The following DAB2IP variants were observed in gnomAD, a reference collection of about 807,000 sequenced individuals.
The protein encoded by DAB2IP is DAB2 interacting protein, also known as disabled homolog 2-interacting protein.
DAB2IP carries 28 observed loss-of-function variants against 107.2 expected under a neutral mutation model. The ratio of observed to expected loss-of-function variants is 0.26; its 90% CI spans 0.19 to 0.36. DAB2IP has a LOEUF of 0.36. Ranked by LOEUF, DAB2IP falls within the 10% of genes least tolerant of loss-of-function variation. DAB2IP has a pLI of 1.00. For synonymous variants in DAB2IP, 755 were observed against 706.4 expected, an observed-to-expected ratio of 1.07 and a Z score of -1.09; for missense variants, 1,400 against 1,644.7, an observed-to-expected ratio of 0.85 and a Z score of 2.57.
intron 1 of DAB2IP, among the ~76,000 whole-genome samples, chr9:121,612,405 T>C (rs1165347470): frequency 2.6e-5 from 4 of 152,140 alleles, no homozygotes; most frequent in Admixed American, 6.6e-5. Context: ...AAAAAAGGTG[T>C]CTGAACATGG....
intron 1 of DAB2IP, among the ~76,000 whole-genome samples, chr9:121,631,965 G>A (rs537784988): frequency 1.3e-5 from 2 of 152,108 alleles, no homozygotes; most frequent in African/African-American, 2.4e-5. Context: ...GAGGATGGGC[G>A]GGAGGCTGGG....
At chr9:121,704,975 G>T (rs7033645) in intron 3 of DAB2IP, among the ~76,000 whole-genome samples, 1 of 152,224 alleles carries the variant, frequency 6.6e-6, no homozygotes, top group South Asian at 2.1e-4. Flanking sequence ...AGGGCTGACC[G>T]GCCCAGGAGC....
intron 1 of DAB2IP, among the ~76,000 whole-genome samples, chr9:121,637,120 G>A (rs1832117237): frequency 6.6e-6 from 1 of 152,186 alleles, no homozygotes; most frequent in Admixed American, 6.5e-5. Flanking sequence ...TTTCCCCCAG[G>A]GAGCTGCTAT....
At chr9:121,784,832 G>A (rs894587363) in exon 16 of DAB2IP, 1 of 153,166 alleles carries the variant, frequency 6.5e-6, no homozygotes, top group Non-Finnish European at 1.5e-5. Context: ...TGCTGTCTGA[G>A]TAGTGGCCAC....
At chr9:121,630,444 G>T (rs1345783558) in intron 1 of DAB2IP, among the ~76,000 whole-genome samples, 1 of 151,694 alleles carries the variant, frequency 6.6e-6, no homozygotes, top group Non-Finnish European at 1.5e-5. Flanking sequence ...AGAATTGCTT[G>T]AGCCTGGGAG....
At chr9:121,725,245 C>T (rs533267088) in intron 3 of DAB2IP, among the ~76,000 whole-genome samples, 21 of 152,312 alleles carry the variant, frequency 1.4e-4, no homozygotes, top group Admixed American at 1.2e-3. Flanking sequence ...TTTCTGGGAG[C>T]GATGACTTCA....
At chr9:121,743,173 A>G (rs1832471431) in intron 3 of DAB2IP, among the ~76,000 whole-genome samples, 1 of 152,180 alleles carries the variant, frequency 6.6e-6, no homozygotes, top group Non-Finnish European at 1.5e-5. Context: ...AGATGGGGCA[A>G]TGGTAATGCC....
Position 121,702,060 on chromosome 9 carries a change from C to T in DAB2IP, c.362+2602C>T, listed in dbSNP as rs1829815710. Among the ~76,000 whole-genome samples, 1 of 152,210 alleles carries T rather than the reference C, an allele frequency of 6.6e-6. No homozygotes were observed. Among genetic ancestry groups the T allele is most frequent in the East Asian group, 1.9e-4 (1 of 5,164 alleles). ...GGGAGTCCTGGTCCCCATGGCCTTC[C>T]CGTGTAGATGAGCGGCACAGGGCAC... On this transcript the variant is annotated intron_variant, in intron 3 of 15. Coordinates refer to ENST00000408936, the Ensembl canonical transcript of DAB2IP. This position sits in a 1 kb window ranked among gnomAD's most constrained non-coding sequence, Gnocchi z 4.5.
At chr9:121,779,066 CTTCT>C (rs1470792189) in intron 14 of DAB2IP, among the ~76,000 whole-genome samples, 5 of 152,084 alleles carry the variant, frequency 3.3e-5, no homozygotes, top group Admixed American at 6.5e-5. Flanking sequence ...GCTCTGTTAT[CTTCT>C]TTCTTCATTT....
chr9:121,644,444 A>G (rs959929461), intron 1 of DAB2IP, among the ~76,000 whole-genome samples: 35 of 152,038 alleles, frequency 2.3e-4, no homozygotes, highest in Admixed American at 2.0e-3. Flanking sequence ...TAAAAATACA[A>G]AAATTAGCCA....
At chr9:121,594,484 G>C (rs528503362) in intron 1 of DAB2IP, among the ~76,000 whole-genome samples, 24 of 152,198 alleles carry the variant, frequency 1.6e-4, no homozygotes, top group Non-Finnish European at 8.8e-5. Context: ...TGATCTACCC[G>C]CCTCGGCCTC....
chr9:121,682,793 C>G (rs190064498), intron 2 of DAB2IP, among the ~76,000 whole-genome samples: 1 of 152,328 alleles, frequency 6.6e-6, no homozygotes, highest in Non-Finnish European at 1.5e-5. Flanking sequence ...TGCACAGCCT[C>G]ATACCAGCTT....
intron 1 of DAB2IP, among the ~76,000 whole-genome samples, chr9:121,590,994 G>T (rs976271770): frequency 6.6e-6 from 1 of 152,246 alleles, no homozygotes; most frequent in African/African-American, 2.4e-5. Context: ...AGCCTTCCCT[G>T]AGGAAATGAC....
chr9:121,578,240 GTCTC>G (rs1362320407), intron 1 of DAB2IP, among the ~76,000 whole-genome samples: 3 of 151,932 alleles, frequency 2.0e-5, no homozygotes, highest in Admixed American at 1.3e-4. Flanking sequence ...GTCTCTTTCT[GTCTC>G]TCTATCTCTG....
At chr9:121,743,415 T>C (rs1832486147) in intron 3 of DAB2IP, among the ~76,000 whole-genome samples, 1 of 152,208 alleles carries the variant, frequency 6.6e-6, no homozygotes, top group Non-Finnish European at 1.5e-5. Flanking sequence ...ATCATGAATT[T>C]TGGAGTTTCG....
intron 2 of DAB2IP, among the ~76,000 whole-genome samples, chr9:121,682,475 C>A (rs1198220227): frequency 1.3e-5 from 2 of 152,290 alleles, no homozygotes; most frequent in East Asian, 3.9e-4. Flanking sequence ...TCAGAGGTCA[C>A]CACCCAGCTG....
Position 121,699,190 on chromosome 9 carries a change from T to G in DAB2IP, c.229-135T>G, listed in dbSNP as rs1353517285. 8 of 947,184 alleles carry G rather than the reference T, an allele frequency of 8.4e-6. No individual in the cohort carries two copies. The South Asian group carries it at 3.4e-4, about 40-fold the overall frequency. The allele number at this position is 947,184 out of a possible 1,614,324, so 58.7% of individuals were successfully genotyped here. ...GCGGGCGGCGCGGGCCGCGAGCTGC[T>G]GGGGCCGAGCCCGAGCCCGGCCCGC... On this transcript the variant is annotated intron_variant, in intron 2 of 15. Coordinates refer to ENST00000408936, the Ensembl canonical transcript of DAB2IP. This position sits in a 1 kb window ranked among gnomAD's most constrained non-coding sequence, Gnocchi z 6.2.
intron 3 of DAB2IP, among the ~76,000 whole-genome samples, chr9:121,732,421 G>A (rs1831598013): frequency 6.6e-6 from 1 of 152,198 alleles, no homozygotes; most frequent in South Asian, 2.1e-4. Context: ...TAAGACACTG[G>A]TTGGGGGCCT....
rs78071464 is a variant in DAB2IP, at chr9:121,734,995, C to T, written c.363-22018C>T. ...GCTTTCGCCTTCCTTGTTGGTTTGGCTGCTCTGGAGCCAAAGGGGGCTTCT... is the reference window on the plus strand; with the variant it reads ...GCTTTCGCCTTCCTTGTTGGTTTGGTTGCTCTGGAGCCAAAGGGGGCTTCT... On this transcript the variant is annotated intron_variant, in intron 3 of 15. Transcript: ENST00000408936. Among the ~76,000 whole-genome samples, 740 of 152,328 alleles carry T rather than the reference C, an allele frequency of 4.9e-3. 1 individual carries two copies. The highest frequency in any genetic ancestry group is 0.01 in the Middle Eastern group (3 of 294).
Sources: gnomAD v4.1 joint callset for allele counts (sites outside exome capture counted in the v4.1 genomes callset) on GRCh38, gnomAD v4.1.1 for gene constraint, Gnocchi (gnomAD v3.1) non-coding constraint, MANE v1.5 for transcripts, NCBI Gene and HGNC (gene_info 2026-07-23, HGNC 2026-07-21) for gene names.